ABCC2: variants seen among roughly 807,000 people sequenced by gnomAD.
The protein encoded by ABCC2 is ATP-binding cassette sub-family C member 2.
In ABCC2, 157 loss-of-function variants were observed where a neutral mutation model predicts 173.4. The ratio of observed to expected loss-of-function variants is 0.91; its 90% CI spans 0.80 to 1.03. ABCC2 has a LOEUF of 1.03. ABCC2 is among the 50% of genes least tolerant of loss of function. ABCC2 has a pLI of 0.00. For missense variants in ABCC2, 1,822 were observed against 1,852.3 expected, an observed-to-expected ratio of 0.98 and a Z score of 0.30; for synonymous variants, 657 against 693.5, an observed-to-expected ratio of 0.95 and a Z score of 0.83.
chr10:99,805,472 C>G (rs2038084545), intron 11 of ABCC2, 25 bp downstream of exon 11: 1 of 1,610,298 alleles, frequency 6.2e-7, no homozygotes, highest in Non-Finnish European at 8.5e-7. Flanking sequence ...GTAGGTGGCT[C>G]TCTGTGGGTA....
intron 20 of ABCC2, 27 bp from the exon 21 acceptor site, chr10:99,830,689 A>G: frequency 1.2e-6 from 2 of 1,614,028 alleles, no homozygotes; most frequent in Non-Finnish European, 1.7e-6. Flanking sequence ...AATTGCCTGC[A>G]TGCTCAGGGA....
Position 99,846,952 on chromosome 10 carries a change from C to G in ABCC2, c.4147-9C>G. The stretch of plus-strand genomic sequence containing the variant: ...AGCCCCAACAGCCCCCTTGTCCTTT[C>G]ACTTGCAGGACCCCATCCTGTTCTC... On this transcript the variant is annotated splice_polypyrimidine_tract_variant and intron_variant, in intron 29 of 31. Transcript: ENST00000647814. 2.5e-6 allele frequency: 4 copies of G among 1,614,108 alleles called. No individual in the cohort carries two copies. The highest frequency in any genetic ancestry group is 3.4e-6 in the Non-Finnish European group (4 of 1,179,994).
intron 25 of ABCC2, among the ~76,000 whole-genome samples, chr10:99,840,980 C>A (rs112344408): frequency 0.055 from 8,320 of 152,118 alleles, 252 homozygotes; most frequent in Middle Eastern, 0.18. Flanking sequence ...GCCCTCCAGA[C>A]CCCCTAGGCC....
At chr10:99,801,230 GT>G (rs2038011245) in intron 9 of ABCC2, among the ~76,000 whole-genome samples, 1 of 151,806 alleles carries the variant, frequency 6.6e-6, no homozygotes, top group African/African-American at 2.4e-5. Flanking sequence ...TGTTGTTGTT[GT>G]TTTGTTTTGT....
intron 6 of ABCC2, among the ~76,000 whole-genome samples, chr10:99,795,310 C>A (rs1367444994): frequency 6.6e-6 from 1 of 152,118 alleles, no homozygotes. Flanking sequence ...ACAAGTACTT[C>A]TTTATTAATG....
chr10:99,845,575 C>T, intron 28 of ABCC2, 49 bp from the exon 29 acceptor site: 1 of 1,610,650 alleles, frequency 6.2e-7, no homozygotes. Context: ...AATAACTTTT[C>T]CCCAAGAATT....
intron 5 of ABCC2, 117 bp downstream of exon 5, chr10:99,794,116 C>G: frequency 1.0e-6 from 1 of 965,076 alleles, no homozygotes; most frequent in Admixed American, 2.1e-5. Context: ...TAAGGTAGTA[C>G]AGACCATTTT....
At chr10:99,824,728 G>A (rs1377789031) in intron 19 of ABCC2, among the ~76,000 whole-genome samples, 17 of 146,338 alleles carry the variant, frequency 1.2e-4, no homozygotes, top group East Asian at 4.0e-4. Context: ...ATCATGGCCA[G>A]AGAGGGCAAC....
intron 19 of ABCC2, among the ~76,000 whole-genome samples, chr10:99,825,161 G>A (rs1453619288): frequency 6.6e-6 from 1 of 150,736 alleles, no homozygotes; most frequent in East Asian, 1.9e-4. Flanking sequence ...ATATAATGGA[G>A]CGGGCATGAT....
intron 2 of ABCC2, among the ~76,000 whole-genome samples, chr10:99,787,286 G>A (rs1436758535): frequency 3.9e-5 from 6 of 151,906 alleles, no homozygotes; most frequent in African/African-American, 1.5e-4. Flanking sequence ...CTTAGCAACC[G>A]CTAAATCTCT....
intron 6 of ABCC2, among the ~76,000 whole-genome samples, chr10:99,796,367 G>A (rs2037911181): frequency 6.6e-6 from 1 of 152,112 alleles, no homozygotes; most frequent in Non-Finnish European, 1.5e-5. Flanking sequence ...AGCCAGGCGT[G>A]GTGGTGTGTG....
chr10:99,835,327 A>G (rs1006518409), intron 24 of ABCC2, among the ~76,000 whole-genome samples: 6 of 152,250 alleles, frequency 3.9e-5, no homozygotes, highest in Admixed American at 2.0e-4. Flanking sequence ...AACTATTAAT[A>G]ACAAGCCAAC....
chr10:99,813,443 C>T lies in ABCC2; in HGVS notation c.2094+299C>T, dbSNP rs561829789. ...AAATATAGGCATTTCTGGCCAGGCA[C>T]GGTGGCTCACGCCTATAATCCCAGC... On this transcript the variant is annotated intron_variant, in intron 16 of 31. Coordinates refer to ENST00000647814, the MANE Select transcript of ABCC2 (RefSeq NM_000392.5). Among the ~76,000 whole-genome samples, 6 of 152,260 alleles carry T rather than the reference C, an allele frequency of 3.9e-5. No homozygotes were observed. The East Asian group carries it at 1.2e-3, about 29-fold the overall frequency.
intron 19 of ABCC2, among the ~76,000 whole-genome samples, chr10:99,826,993 CTTCCT>C (rs1379659760): frequency 6.6e-6 from 1 of 151,752 alleles, no homozygotes; most frequent in Non-Finnish European, 1.5e-5. Flanking sequence ...TCAGTATCTC[CTTCCT>C]TTCTTGATTT....
chr10:99,792,878 A>G (rs1021315089), intron 3 of ABCC2, among the ~76,000 whole-genome samples: 2 of 152,242 alleles, frequency 1.3e-5, no homozygotes, highest in Non-Finnish European at 2.9e-5. Flanking sequence ...AATTATTTGA[A>G]CTTTCAAACT....
chr10:99,813,038 C>T lies in ABCC2; in HGVS notation c.1988C>T (p.Ala663Val), dbSNP rs1399445935. ...TVRDVNLDIM[A>V]GQLVAVIGPV... ...TTCAGTGTGAACCTGGACATTATGG[C>T]AGGCCAACTTGTGGCTGTGATAGGC... Residue 663 changes from alanine to valine, a missense_variant, in exon 16 of 32, where the codon GCA becomes GTA. Coordinates refer to ENST00000647814, the MANE Select transcript of ABCC2 (RefSeq NM_000392.5). The T allele has an allele frequency of 1.2e-6, 2 of 1,613,864 alleles. No homozygotes were observed. The highest frequency in any genetic ancestry group is 2.2e-5 in the South Asian group (2 of 91,082).
intron 2 of ABCC2, among the ~76,000 whole-genome samples, chr10:99,785,251 G>C (rs2037685793): frequency 6.6e-6 from 1 of 152,252 alleles, no homozygotes; most frequent in South Asian, 2.1e-4. Flanking sequence ...CCGCATATTT[G>C]ATGAGTCAGG....
intron 27 of ABCC2, 45 bp downstream of exon 27, chr10:99,843,945 T>C (rs748720779): frequency 2.3e-5 from 33 of 1,441,664 alleles, no homozygotes; most frequent in Non-Finnish European, 3.0e-5. Context: ...AAAAACAACA[T>C]GCAACTCCTT....
chr10:99,817,579 G>C, intron 17 of ABCC2, 95 bp downstream of exon 17: 1 of 1,351,222 alleles, frequency 7.4e-7, no homozygotes, highest in Non-Finnish European at 1.0e-6. Flanking sequence ...TAATCTAGTT[G>C]ATTAATTTAG....
Sources: allele counts gnomAD v4.1 joint callset (sites outside exome capture counted in the v4.1 genomes callset), GRCh38; gene constraint gnomAD v4.1.1; transcripts MANE v1.5; gene names NCBI Gene and HGNC (gene_info 2026-07-23, HGNC 2026-07-21).